The following NTS variants were observed in gnomAD, a reference collection of about 807,000 sequenced individuals.
NTS encodes the protein neurotensin/neuromedin N.
NTS carries 20 observed loss-of-function variants against 19.5 expected under a neutral mutation model. That is an observed-to-expected ratio of 1.02 (90% CI 0.72 to 1.49). The LOEUF is 1.49. Among genes scored for constraint, NTS ranks in the 40% most tolerant of loss-of-function variants. The pLI is 0.00. For synonymous variants in NTS, 71 were observed against 63.3 expected, an observed-to-expected ratio of 1.12 and a Z score of -0.58; for missense variants, 215 against 193.1, an observed-to-expected ratio of 1.11 and a Z score of -0.67.
intron 1 of NTS, among the ~76,000 whole-genome samples, chr12:85,875,725 G>C (rs1212997351): frequency 6.6e-6 from 1 of 151,866 alleles, no homozygotes; most frequent in Non-Finnish European, 1.5e-5. Context: ...AAGGATTTTG[G>C]TATACATTGT....
intron 1 of NTS, 136 bp from the exon 2 acceptor site, chr12:85,876,504 G>T (rs1248922797): frequency 8.9e-6 from 4 of 448,602 alleles, no homozygotes; most frequent in Non-Finnish European, 1.2e-5. Context: ...TGTTTTTTAG[G>T]ATTACTATTT....
At chr12:85,878,148 G>T (rs1881388931) in intron 2 of NTS, 197 bp from the exon 3 acceptor site, 7 of 462,212 alleles carry the variant, frequency 1.5e-5, no homozygotes, top group Middle Eastern at 1.1e-3. Context: ...TATAACTATT[G>T]CATTTTATTA....
At position 85,882,257 on chromosome 12, in the gene NTS, A is replaced by T; in HGVS notation, c.395A>T (p.Asp132Val). The T allele has an allele frequency of 6.2e-7, 1 of 1,604,020 alleles. No homozygotes were observed. The highest frequency in any genetic ancestry group is 8.5e-7 in the Non-Finnish European group (1 of 1,176,106). ...IQEDILDTGN[D>V]KNGKEEVIKR... The stretch of plus-strand genomic sequence containing the variant: ...GAAGATATTCTTGATACTGGAAATG[A>T]CAAAAATGGAAAGGAAGAAGTCATA... The change falls in exon 4 of 4, where the codon GAC becomes GTC. Residue 132 changes from aspartate (D) to valine (V), a missense_variant. Asp to Val is a radical substitution (Grantham distance 152). Transcript: ENST00000256010.
intron 3 of NTS, among the ~76,000 whole-genome samples, chr12:85,880,444 T>C (rs1026450826): frequency 3.3e-5 from 5 of 152,284 alleles, no homozygotes; most frequent in South Asian, 2.1e-4. Context: ...TACACTAACA[T>C]TGGGGATCTG....
intron 2 of NTS, chr12:85,878,131 A>G: frequency 2.4e-6 from 1 of 420,744 alleles, no homozygotes; most frequent in Non-Finnish European, 4.2e-6. Context: ...GTGCATGTAT[A>G]TGTGAATATA....
chr12:85,880,530 A>G (rs2136594050), intron 3 of NTS, among the ~76,000 whole-genome samples: 1 of 152,296 alleles, frequency 6.6e-6, no homozygotes, highest in East Asian at 1.9e-4. Flanking sequence ...GAAGAAGTGC[A>G]GGCAGAATTT....
rs563452062 is a variant in NTS at position 85,882,311 on chromosome 12, G to A, written c.449G>A (p.Arg150Gln). Reference sequence around the variant, plus strand: ...AGAAAAATTCCTTATATTCTGAAACGGCAGCTGTATGAGAATAAACCCAGA... The same window carrying A: ...AGAAAAATTCCTTATATTCTGAAACAGCAGCTGTATGAGAATAAACCCAGA... ...IKRKIPYILK[R>Q]QLYENKPRRP... The change falls in exon 4 of 4, where the codon CGG becomes CAG. Residue 150 changes from arginine to glutamine, a missense_variant. By Grantham distance (43) the Arg-to-Gln change is conservative. Transcript: ENST00000256010. 128 of 1,608,058 alleles carry A rather than the reference G, an allele frequency of 8.0e-5. No homozygotes were observed. In the East Asian group the frequency reaches 1.1e-3, roughly 14 times the overall value.
At position 85,878,344 on chromosome 12, in the gene NTS, G is replaced by A. The variant is rs1468888875; in HGVS notation, c.136-1G>A. 2 of 1,574,088 alleles carry A rather than the reference G, an allele frequency of 1.3e-6. No homozygotes were observed. Among genetic ancestry groups the A allele is most frequent in the African/African-American group, 2.7e-5 (2 of 73,152 alleles). On this transcript the variant is annotated splice_acceptor_variant, in intron 2 of 3. Coordinates refer to ENST00000256010, the MANE Select transcript of NTS (RefSeq NM_006183.5). LOFTEE classifies it high-confidence loss of function. ...GCAGGGGTTTTTTTAATATATTTCAGATTAGTAAAGCACATGTTCCCTCTT... is the reference window on the plus strand; with the variant it reads ...GCAGGGGTTTTTTTAATATATTTCAAATTAGTAAAGCACATGTTCCCTCTT...
At chr12:85,875,283 C>A (rs1330908845) in intron 1 of NTS, among the ~76,000 whole-genome samples, 4 of 152,012 alleles carry the variant, frequency 2.6e-5, no homozygotes, top group Non-Finnish European at 4.4e-5. Flanking sequence ...AATATTACAA[C>A]CATTGCAAAA....
chr12:85,877,665 C>CGGTGTG (rs1881377398), intron 2 of NTS, among the ~76,000 whole-genome samples: 1 of 152,028 alleles, frequency 6.6e-6, no homozygotes, highest in Non-Finnish European at 1.5e-5. Flanking sequence ...TGACAGGCCC[C>CGGTGTG]GGTGTGGGTT....
chr12:85,882,636 A>G lies in NTS; in HGVS notation c.*261A>G, dbSNP rs899711732. 7 of 289,100 alleles carry G rather than the reference A, an allele frequency of 2.4e-5. No individual in the cohort carries two copies. In the Admixed American group the frequency reaches 3.6e-4, roughly 15 times the overall value. The allele number at this position is 289,100 out of a possible 1,614,324, so 17.9% of individuals were successfully genotyped here. On this transcript the variant is annotated 3_prime_UTR_variant, in exon 4 of 4. Coordinates refer to ENST00000256010, the MANE Select transcript of NTS (RefSeq NM_006183.5). The stretch of plus-strand genomic sequence containing the variant: ...ATAATGTTTTGTAATTTTGCAAAAC[A>G]TATCTTGAGTTGTTTAAACAGTCAA...
chr12:85,876,059 G>A (rs1198303008), intron 1 of NTS, among the ~76,000 whole-genome samples: 1 of 151,664 alleles, frequency 6.6e-6, no homozygotes, highest in South Asian at 2.1e-4. Context: ...TTCCTTAAAT[G>A]CCTATGAAAA....
chr12:85,882,077 A>G, intron 3 of NTS, 146 bp from the exon 4 acceptor site: 1 of 624,366 alleles, frequency 1.6e-6, no homozygotes, highest in South Asian at 2.2e-5. Context: ...CTTTGAAAAA[A>G]CAATTTCTTT....
intron 1 of NTS, among the ~76,000 whole-genome samples, chr12:85,875,366 C>A (rs1881317847): frequency 1.3e-5 from 2 of 151,962 alleles, no homozygotes; most frequent in Non-Finnish European, 1.5e-5. Context: ...GAAGCAAATG[C>A]AGCAAAAATA....
At chr12:85,879,032 ATATTTTTATGTACATAAAAT>A (rs1881412820) in intron 3 of NTS, among the ~76,000 whole-genome samples, 2 of 141,478 alleles carry the variant, frequency 1.4e-5, no homozygotes. Flanking sequence ...AAATAAAAAT[ATATTTTTATGTACATAAAAT>A]ATATTTTTAT....
chr12:85,876,677 C>A lies in NTS; in HGVS notation c.111C>A (p.Phe37Leu), dbSNP rs148367587. 1.0e-3 allele frequency: 1,651 copies of A among 1,593,164 alleles called. 3 individuals carry two copies. Among genetic ancestry groups the A allele is most frequent in the Middle Eastern group, 1.8e-3 (11 of 5,970 alleles). The change falls in exon 2 of 4, where the codon TTC (phenylalanine) becomes TTA (leucine). Residue 37 changes from phenylalanine (F) to leucine (L), a missense_variant. Coordinates refer to ENST00000256010, the MANE Select transcript of NTS (RefSeq NM_006183.5). ...EEEMKALEAD[F>L]LTNMHTSKIS... The stretch of plus-strand genomic sequence containing the variant: ...AAATGAAAGCATTAGAAGCAGATTT[C>A]TTGACCAATATGCATACATCAAAGG...
At chr12:85,880,813 G>A (rs1260960462) in intron 3 of NTS, among the ~76,000 whole-genome samples, 1 of 152,062 alleles carries the variant, frequency 6.6e-6, no homozygotes, top group African/African-American at 2.4e-5. Context: ...TTAGCCGGGC[G>A]TAGTGGCCGG....
intron 2 of NTS, chr12:85,878,123 G>T (rs1029972270): frequency 7.7e-6 from 3 of 392,122 alleles, no homozygotes; most frequent in African/African-American, 6.1e-5. Flanking sequence ...ACACATAAGT[G>T]CATGTATATG....
At chr12:85,876,808 T>C in intron 2 of NTS, 107 bp downstream of exon 2, 1 of 566,286 alleles carries the variant, frequency 1.8e-6, no homozygotes, top group Non-Finnish European at 3.0e-6. Flanking sequence ...ATTGAAAAGT[T>C]CCTTGAGAGG....
Sources: allele counts gnomAD v4.1 joint callset (sites outside exome capture counted in the v4.1 genomes callset), GRCh38; gene constraint gnomAD v4.1.1; transcripts MANE v1.5; gene names NCBI Gene and HGNC (gene_info 2026-07-23, HGNC 2026-07-21).